SERPINI1: variants seen among roughly 807,000 people sequenced by gnomAD.
SERPINI1 encodes the protein serpin family I member 1, also known as neuroserpin.
SERPINI1 carries 19 observed loss-of-function variants against 41.1 expected under a neutral mutation model. The observed-to-expected ratio is 0.46, with a 90% CI of 0.32 to 0.68. SERPINI1 has a LOEUF of 0.68. Ranked by LOEUF, SERPINI1 falls within the 30% of genes least tolerant of loss-of-function variation. The pLI is 0.03. For missense variants in SERPINI1, 460 were observed against 479.2 expected (o/e 0.96, Z 0.37); for synonymous variants, 138 against 156.6 (o/e 0.88, Z 0.89).
intron 1 of SERPINI1, among the ~76,000 whole-genome samples, chr3:167,740,064 A>C (rs1387991007): frequency 1.4e-5 from 2 of 140,114 alleles, no homozygotes; most frequent in South Asian, 2.2e-4. Context: ...ACAGGGTCTG[A>C]CTCTGTCGCC....
chr3:167,752,135 T>C (rs934932621), intron 1 of SERPINI1, among the ~76,000 whole-genome samples: 1 of 152,182 alleles, frequency 6.6e-6, no homozygotes, highest in Non-Finnish European at 1.5e-5. Context: ...GTCTTGCATG[T>C]GTTTGGGTTT....
intron 1 of SERPINI1, among the ~76,000 whole-genome samples, chr3:167,782,758 G>A (rs954006421): frequency 6.6e-6 from 1 of 152,174 alleles, no homozygotes; most frequent in Non-Finnish European, 1.5e-5. Flanking sequence ...AACCAAGCGG[G>A]TATTCATGAA....
At chr3:167,744,920 A>G (rs1725820892) in intron 1 of SERPINI1, among the ~76,000 whole-genome samples, 2 of 144,578 alleles carry the variant, frequency 1.4e-5, no homozygotes, top group South Asian at 2.1e-4. Flanking sequence ...GTGCCAAGCC[A>G]GTCAGTTTTT....
chr3:167,791,102 A>G (rs1198362824), intron 3 of SERPINI1, among the ~76,000 whole-genome samples: 1 of 152,192 alleles, frequency 6.6e-6, no homozygotes, highest in Non-Finnish European at 1.5e-5. Flanking sequence ...CCCAAAATGG[A>G]GAGAAATTAG....
chr3:167,791,946 G>C (rs1408678757), intron 3 of SERPINI1, among the ~76,000 whole-genome samples: 43 of 152,156 alleles, frequency 2.8e-4, no homozygotes, highest in Admixed American at 2.7e-3. Flanking sequence ...CTGACATGGT[G>C]AGACCCCATC....
At chr3:167,812,081 C>T (rs1711908623) in intron 6 of SERPINI1, among the ~76,000 whole-genome samples, 1 of 152,174 alleles carries the variant, frequency 6.6e-6, no homozygotes, top group Admixed American at 6.5e-5. Context: ...CAAGTCCACT[C>T]TTTCATTTTT....
intron 1 of SERPINI1, among the ~76,000 whole-genome samples, chr3:167,764,141 C>T (rs1199921069): frequency 6.6e-6 from 1 of 151,984 alleles, no homozygotes; most frequent in Non-Finnish European, 1.5e-5. Flanking sequence ...AGAGCCACAA[C>T]CAAAAAGAAA....
chr3:167,822,587 A>T (rs549591515), intron 6 of SERPINI1, among the ~76,000 whole-genome samples: 27 of 152,134 alleles, frequency 1.8e-4, no homozygotes, highest in African/African-American at 6.0e-4. Flanking sequence ...AAAGGAAAAA[A>T]TTTTTTATTC....
intron 6 of SERPINI1, among the ~76,000 whole-genome samples, chr3:167,818,005 T>G (rs1257192452): frequency 6.7e-6 from 1 of 148,490 alleles, no homozygotes; most frequent in African/African-American, 2.6e-5. Flanking sequence ...TTAGGATAGA[T>G]GGAAATATTT....
chr3:167,822,923 A>G, intron 6 of SERPINI1, 63 bp from the exon 7 acceptor site: 1 of 929,078 alleles, frequency 1.1e-6, no homozygotes, highest in Non-Finnish European at 1.8e-6. Flanking sequence ...CCATTTAACA[A>G]AAGGGCAAAA....
chr3:167,803,830 T>C (rs1008115700), intron 5 of SERPINI1, among the ~76,000 whole-genome samples: 1 of 152,198 alleles, frequency 6.6e-6, no homozygotes, highest in Non-Finnish European at 1.5e-5. Flanking sequence ...TGTATGACCT[T>C]GGTTATACAG....
chr3:167,764,819 C>T (rs1227140791), intron 1 of SERPINI1, among the ~76,000 whole-genome samples: 4 of 152,098 alleles, frequency 2.6e-5, no homozygotes, highest in African/African-American at 4.8e-5. Context: ...TAAATACAGC[C>T]GTTGCAAATG....
At chr3:167,810,382 G>C (rs1711828607) in intron 6 of SERPINI1, among the ~76,000 whole-genome samples, 1 of 152,064 alleles carries the variant, frequency 6.6e-6, no homozygotes, top group Non-Finnish European at 1.5e-5. Context: ...ATATATTACA[G>C]GTTTGGCTCT....
At chr3:167,799,333 C>G (rs1480236237) in intron 5 of SERPINI1, among the ~76,000 whole-genome samples, 1 of 152,128 alleles carries the variant, frequency 6.6e-6, no homozygotes, top group Admixed American at 6.5e-5. Flanking sequence ...GAGGATGATG[C>G]TTTCCAGCTT....
intron 1 of SERPINI1, among the ~76,000 whole-genome samples, chr3:167,786,960 A>C (rs1727337472): frequency 6.6e-6 from 1 of 152,248 alleles, no homozygotes; most frequent in African/African-American, 2.4e-5. Flanking sequence ...TAAAACACAG[A>C]CACATCATAC....
intron 1 of SERPINI1, among the ~76,000 whole-genome samples, chr3:167,739,668 C>T (rs1036759606): frequency 1.3e-5 from 2 of 152,106 alleles, no homozygotes; most frequent in African/African-American, 2.4e-5. Context: ...TGAAGCTTAT[C>T]TGTAGAAACC....
Position 167,783,977 on chromosome 3 carries a change from G to A in SERPINI1, c.-18-5134G>A, listed in dbSNP as rs143742922. The stretch of plus-strand genomic sequence containing the variant: ...TTTCTTGGCAGAATGTGTCATCAGT[G>A]GCCTGCTGCCCACTGCCCTGGCAGA... On this transcript the variant is annotated intron_variant, in intron 1 of 8. Coordinates refer to ENST00000446050, the MANE Select transcript of SERPINI1 (RefSeq NM_001122752.2). 4.1e-4 allele frequency among the ~76,000 whole-genome samples: 62 copies of A among 152,256 alleles called. 1 individual carries two copies. The highest frequency in any genetic ancestry group is 3.3e-3 in the East Asian group (17 of 5,178).
chr3:167,746,254 T>C (rs1408925140), intron 1 of SERPINI1, among the ~76,000 whole-genome samples: 1 of 152,200 alleles, frequency 6.6e-6, no homozygotes, highest in Non-Finnish European at 1.5e-5. Context: ...AATTGGGCTC[T>C]ACCTCACACC....
chr3:167,800,908 C>G (rs1185398847), intron 5 of SERPINI1, among the ~76,000 whole-genome samples: 1 of 152,212 alleles, frequency 6.6e-6, no homozygotes, highest in East Asian at 1.9e-4. Flanking sequence ...CTCCACCTCC[C>G]AGGTTCAAAA....
Sources: allele counts gnomAD v4.1 joint callset (sites outside exome capture counted in the v4.1 genomes callset), GRCh38; gene constraint gnomAD v4.1.1; transcripts MANE v1.5; gene names NCBI Gene and HGNC (gene_info 2026-07-23, HGNC 2026-07-21).